Variants in CELF4 observed in about 807,000 individuals in gnomAD.
CELF4 encodes CUGBP Elav-like family member 4, also known as CUG-BP- and ETR-3-like factor 4.
A neutral mutation model predicts 59.9 loss-of-function variants in CELF4; 18 were observed. The observed-to-expected ratio is 0.30, with a 90% CI of 0.21 to 0.45. The LOEUF (loss-of-function observed/expected upper bound fraction) is 0.45. CELF4 is among the 20% of genes least tolerant of loss of function. CELF4 has a pLI of 1.00. For synonymous variants in CELF4, 261 were observed against 267.1 expected, an observed-to-expected ratio of 0.98 and a Z score of 0.22; for missense variants, 456 against 689.0, an observed-to-expected ratio of 0.66 and a Z score of 3.79.
rs150317436 is a variant in CELF4, at chr18:37,326,170, C to A, written c.370-4289G>T. The stretch of plus-strand genomic sequence containing the variant: ...AACAAGGCAGAGCATGACGACAGAG[C>A]GAGGGGAGAGGTGAAGAGAATGCCG... On this transcript the variant is annotated intron_variant, in intron 2 of 12. Transcript: ENST00000420428. Among the ~76,000 whole-genome samples the A allele has an allele frequency of 2.6e-4, 40 of 152,022 alleles. 1 individual carries two copies. Among genetic ancestry groups the A allele is most frequent in the Admixed American group, 2.5e-3 (38 of 15,284 alleles).
chr18:37,515,273 T>C (rs1161035451), intron 1 of CELF4, among the ~76,000 whole-genome samples: 1 of 152,164 alleles, frequency 6.6e-6, no homozygotes, highest in African/African-American at 2.4e-5. Flanking sequence ...TGCCTTTCCT[T>C]ATTCCCTTTT....
At chr18:37,489,735 G>A (rs1286760512) in intron 1 of CELF4, among the ~76,000 whole-genome samples, 2 of 152,216 alleles carry the variant, frequency 1.3e-5, no homozygotes, top group Non-Finnish European at 2.9e-5. Flanking sequence ...CAGTTGAGGT[G>A]GGAAACGGGA....
At position 37,274,362 on chromosome 18, in the gene CELF4, C is replaced by G. The variant is rs1234741994; in HGVS notation, c.750G>C (p.Met250Ile). Reference sequence around the variant, plus strand: ...CGAAAGGGATGGCCATGGGGTTGAACATGCCCATCTGGCCAGCCATCTGCT... The same window carrying G: ...CGAAAGGGATGGCCATGGGGTTGAAGATGCCCATCTGGCCAGCCATCTGCT... ...RMQQMAGQMG[M>I]FNPMAIPFGA... The change falls in exon 6 of 13, where the codon ATG becomes ATC. Residue 250 changes from methionine to isoleucine, a missense_variant. This residue lies in a region of CELF4 where 256 missense variants were observed against 340.8 expected (regional missense o/e 0.75). Coordinates refer to ENST00000420428, the MANE Select transcript of CELF4 (RefSeq NM_020180.4). 2 of 1,613,504 alleles carry G rather than the reference C, an allele frequency of 1.2e-6. No individual in the cohort carries two copies. Among genetic ancestry groups the G allele is most frequent in the African/African-American group, 2.7e-5 (2 of 74,932 alleles).
chr18:37,386,567 C>T (rs956783167), intron 2 of CELF4, among the ~76,000 whole-genome samples: 2 of 152,176 alleles, frequency 1.3e-5, no homozygotes, highest in East Asian at 1.9e-4. Context: ...TGAGAACACA[C>T]GCTTCCCCAC....
intron 1 of CELF4, among the ~76,000 whole-genome samples, chr18:37,556,328 G>C (rs981757665): frequency 5.9e-5 from 9 of 152,208 alleles, no homozygotes; most frequent in Admixed American, 4.6e-4. Context: ...AGTGGCAACA[G>C]TTAATTCAGC....
chr18:37,376,058 G>C (rs1442145725), intron 2 of CELF4, among the ~76,000 whole-genome samples: 1 of 152,150 alleles, frequency 6.6e-6, no homozygotes. Flanking sequence ...CTGAGCACAG[G>C]CTCCTGGGCA....
intron 1 of CELF4, among the ~76,000 whole-genome samples, chr18:37,530,042 G>C (rs1276407326): frequency 6.6e-6 from 1 of 152,182 alleles, no homozygotes; most frequent in Non-Finnish European, 1.5e-5. Flanking sequence ...GAGCACTGCT[G>C]AACTTTTGTA....
At chr18:37,501,054 A>C (rs1432662844) in intron 1 of CELF4, among the ~76,000 whole-genome samples, 1 of 152,214 alleles carries the variant, frequency 6.6e-6, no homozygotes, top group Non-Finnish European at 1.5e-5. Flanking sequence ...GCCATGGCCA[A>C]GGATTCAGGC....
chr18:37,274,693 G>A, intron 5 of CELF4, 112 bp downstream of exon 5: 3 of 1,497,002 alleles, frequency 2.0e-6, no homozygotes, highest in South Asian at 2.6e-5. Flanking sequence ...CCCGGAATAA[G>A]GGTCATGCTT....
intron 1 of CELF4, among the ~76,000 whole-genome samples, chr18:37,498,668 TTG>T (rs2099927964): frequency 6.6e-6 from 1 of 152,048 alleles, no homozygotes; most frequent in African/African-American, 2.4e-5. Context: ...ACATGGGACC[TTG>T]AGGTTCCTGT....
chr18:37,294,103 C>G (rs563299496), intron 3 of CELF4, among the ~76,000 whole-genome samples: 1 of 152,284 alleles, frequency 6.6e-6, no homozygotes, highest in South Asian at 2.1e-4. Flanking sequence ...TGTTGAATAT[C>G]TGTACTTCCA....
chr18:37,537,297 G>T (rs1051323338), intron 1 of CELF4, among the ~76,000 whole-genome samples: 5 of 152,106 alleles, frequency 3.3e-5, no homozygotes, highest in Admixed American at 1.3e-4. Flanking sequence ...AATTCCTTTG[G>T]AGTTTGGGAA....
intron 2 of CELF4, among the ~76,000 whole-genome samples, chr18:37,360,267 G>C (rs909690717): frequency 2.0e-5 from 3 of 152,136 alleles, no homozygotes; most frequent in African/African-American, 7.2e-5. Flanking sequence ...CTGATCCAGG[G>C]ATGGAGTCTC....
At chr18:37,380,213 C>CTTGACAAG (rs2099020648) in intron 2 of CELF4, among the ~76,000 whole-genome samples, 1 of 152,200 alleles carries the variant, frequency 6.6e-6, no homozygotes. Flanking sequence ...GGACCAGCTG[C>CTTGACAAG]CATCCCTCCC....
intron 2 of CELF4, among the ~76,000 whole-genome samples, chr18:37,430,448 A>G (rs1468794249): frequency 6.6e-6 from 1 of 152,056 alleles, no homozygotes; most frequent in Non-Finnish European, 1.5e-5. Flanking sequence ...TGGGCCCTCC[A>G]CCCCCACTCC....
At chr18:37,526,816 C>G (rs576077702) in intron 1 of CELF4, among the ~76,000 whole-genome samples, 3 of 152,164 alleles carry the variant, frequency 2.0e-5, no homozygotes, top group Admixed American at 6.5e-5. Flanking sequence ...TAGTTTGAAT[C>G]CCAACTCTGC....
At chr18:37,479,771 A>C (rs2099861147) in intron 2 of CELF4, among the ~76,000 whole-genome samples, 1 of 152,184 alleles carries the variant, frequency 6.6e-6, no homozygotes, top group South Asian at 2.1e-4. Flanking sequence ...AAGATGCTGA[A>C]GTCCTAACCC....
At chr18:37,317,942 G>A (rs953361785) in intron 3 of CELF4, among the ~76,000 whole-genome samples, 1 of 152,224 alleles carries the variant, frequency 6.6e-6, no homozygotes, top group African/African-American at 2.4e-5. Context: ...GTGGAACCAC[G>A]ATATGGCCAT....
intron 1 of CELF4, among the ~76,000 whole-genome samples, chr18:37,552,313 T>C (rs142507021): frequency 1.3e-5 from 2 of 152,350 alleles, no homozygotes; most frequent in African/African-American, 4.8e-5. Flanking sequence ...GGGAGGCCTA[T>C]GTCTCCCCTG....
Sources: allele counts gnomAD v4.1 joint callset (sites outside exome capture counted in the v4.1 genomes callset), GRCh38; gene constraint gnomAD v4.1.1; regional missense constraint gnomAD v4.1.1; transcripts MANE v1.5; gene names NCBI Gene and HGNC (gene_info 2026-07-23, HGNC 2026-07-21).